KLHDC4: variants seen among roughly 807,000 people sequenced by gnomAD.
The protein encoded by KLHDC4 is kelch domain containing 4.
Under a neutral mutation model 62.4 loss-of-function variants are expected in KLHDC4, and 90 were observed. That is an observed-to-expected ratio of 1.44 (90% CI 1.22 to 1.72). KLHDC4 has a LOEUF of 1.72. Ranked by LOEUF, KLHDC4 falls within the 40% of genes most tolerant of loss-of-function variation. The pLI, the probability that KLHDC4 is intolerant of heterozygous loss-of-function variation, is 0.00. For missense variants in KLHDC4, 1,025 were observed against 699.7 expected, an observed-to-expected ratio of 1.47 and a Z score of -5.25; for synonymous variants, 386 against 284.4, an observed-to-expected ratio of 1.36 and a Z score of -3.59.
exon 1 of KLHDC4, chr16:87,700,950 A>T: frequency 4.2e-6 from 1 of 238,294 alleles, no homozygotes; most frequent in Non-Finnish European, 8.5e-6. Context: ...TCTCGCGCCC[A>T]GGCCGCGTGT....
At chr16:87,731,984 C>A (rs560339509) in intron 5 of KLHDC4, among the ~76,000 whole-genome samples, 1 of 152,180 alleles carries the variant, frequency 6.6e-6, no homozygotes, top group Non-Finnish European at 1.5e-5. Context: ...GATCCGTCTT[C>A]GGCCCAGGAT....
intron 8 of KLHDC4, among the ~76,000 whole-genome samples, chr16:87,712,297 A>C (rs2036049751): frequency 6.6e-6 from 1 of 151,600 alleles, no homozygotes; most frequent in Non-Finnish European, 1.5e-5. Flanking sequence ...AAACAGAAGC[A>C]GCAAATGGAC....
chr16:87,713,561 C>A (rs1597404225), intron 8 of KLHDC4, among the ~76,000 whole-genome samples: 1 of 152,156 alleles, frequency 6.6e-6, no homozygotes, highest in Non-Finnish European at 1.5e-5. Context: ...AGGCCACCCC[C>A]ATCCCCCCGC....
chr16:87,742,159 G>C (rs939196412), intron 5 of KLHDC4, among the ~76,000 whole-genome samples: 1 of 152,030 alleles, frequency 6.6e-6, no homozygotes, highest in Non-Finnish European at 1.5e-5. Context: ...CACATAGTGT[G>C]TGAACCCCCA....
intron 5 of KLHDC4, among the ~76,000 whole-genome samples, chr16:87,737,819 G>C (rs1055086544): frequency 1.3e-5 from 2 of 152,002 alleles, no homozygotes; most frequent in Non-Finnish European, 2.9e-5. Flanking sequence ...TTGAACTCCT[G>C]ACCTCAGGTG....
intron 5 of KLHDC4, among the ~76,000 whole-genome samples, chr16:87,734,785 GAC>G (rs2040990394): frequency 1.3e-5 from 2 of 152,140 alleles, no homozygotes; most frequent in Admixed American, 1.3e-4. Flanking sequence ...CAGTTCCACA[GAC>G]TCCACAGCAG....
At chr16:87,751,646 C>T (rs190628014) in intron 4 of KLHDC4, among the ~76,000 whole-genome samples, 53 of 152,286 alleles carry the variant, frequency 3.5e-4, no homozygotes, top group African/African-American at 1.2e-3. Context: ...TGGCCAGGTG[C>T]AGTGGCTCAT....
At chr16:87,714,334 T>TG in intron 8 of KLHDC4, 164 bp downstream of exon 8, 3 of 152,190 alleles carry the variant, frequency 2.0e-5, no homozygotes, top group Non-Finnish European at 4.4e-5. Flanking sequence ...CTATGGAGCC[T>TG]GTCCCACCCG....
At chr16:87,746,878 T>C (rs1046887552) in intron 5 of KLHDC4, among the ~76,000 whole-genome samples, 1 of 152,180 alleles carries the variant, frequency 6.6e-6, no homozygotes, top group African/African-American at 2.4e-5. Context: ...TAGCAAGCAT[T>C]CGAGGAATGA....
chr16:87,750,605 T>C (rs1329893479), intron 4 of KLHDC4, among the ~76,000 whole-genome samples: 1 of 152,180 alleles, frequency 6.6e-6, no homozygotes, highest in Non-Finnish European at 1.5e-5. Context: ...GGCTGGTAAA[T>C]GAGAGTGCCA....
chr16:87,736,097 C>T (rs1245362271), intron 5 of KLHDC4, among the ~76,000 whole-genome samples: 1 of 152,226 alleles, frequency 6.6e-6, no homozygotes, highest in African/African-American at 2.4e-5. Context: ...AACAACACAT[C>T]ATTAGGCGAC....
chr16:87,737,491 G>A (rs2041533859), intron 5 of KLHDC4, among the ~76,000 whole-genome samples: 1 of 152,116 alleles, frequency 6.6e-6, no homozygotes, highest in South Asian at 2.1e-4. Context: ...GGAAAGCTGA[G>A]GCAAGAGAAT....
At chr16:87,761,555 C>G (rs2045898696) in intron 2 of KLHDC4, among the ~76,000 whole-genome samples, 1 of 152,218 alleles carries the variant, frequency 6.6e-6, no homozygotes, top group African/African-American at 2.4e-5. Context: ...AAACTTTTCA[C>G]ATGAGAATTT....
At chr16:87,742,666 T>A (rs2042402617) in intron 5 of KLHDC4, among the ~76,000 whole-genome samples, 1 of 152,042 alleles carries the variant, frequency 6.6e-6, no homozygotes, top group African/African-American at 2.4e-5. Flanking sequence ...GGGACTGATG[T>A]CCGGAGTGGG....
At chr16:87,700,942 T>G (rs2034117561) in exon 1 of KLHDC4, 1 of 245,036 alleles carries the variant, frequency 4.1e-6, no homozygotes, top group Non-Finnish European at 8.2e-6. Flanking sequence ...TTGGCTTCTC[T>G]CGCGCCCAGG....
At chr16:87,737,458 C>T (rs1053553724) in intron 5 of KLHDC4, among the ~76,000 whole-genome samples, 1 of 150,580 alleles carries the variant, frequency 6.6e-6, no homozygotes, top group African/African-American at 2.4e-5. Flanking sequence ...CGTGGTGGTG[C>T]GCACCTGTAA....
intron 2 of KLHDC4, among the ~76,000 whole-genome samples, chr16:87,759,848 G>C (rs554497533): frequency 6.6e-5 from 10 of 151,372 alleles, no homozygotes; most frequent in African/African-American, 1.5e-4. Context: ...CTTCAGAAAC[G>C]ATCTACACGG....
At chr16:87,731,536 C>T (rs1245645170) in intron 5 of KLHDC4, among the ~76,000 whole-genome samples, 1 of 151,916 alleles carries the variant, frequency 6.6e-6, no homozygotes, top group Non-Finnish European at 1.5e-5. Context: ...AAACATATGC[C>T]AAGTCCACAG....
chr16:87,721,822 C>A (rs958613200), intron 7 of KLHDC4, among the ~76,000 whole-genome samples: 5 of 152,230 alleles, frequency 3.3e-5, no homozygotes, highest in African/African-American at 9.6e-5. Flanking sequence ...TCCAGGCGCA[C>A]AATGACAACT....
Sources: allele counts gnomAD v4.1 joint callset (sites outside exome capture counted in the v4.1 genomes callset), GRCh38; gene constraint gnomAD v4.1.1; transcripts MANE v1.5; gene names NCBI Gene and HGNC (gene_info 2026-07-23, HGNC 2026-07-21).